Variants in SLC39A11 observed in about 807,000 individuals in gnomAD.
The protein encoded by SLC39A11 is solute carrier family 39 member 11.
In SLC39A11, 33 loss-of-function variants were observed where a neutral mutation model predicts 36.1. The ratio of observed to expected loss-of-function variants is 0.91; its 90% CI spans 0.69 to 1.22. The LOEUF is 1.22. Among genes scored for constraint, SLC39A11 ranks in the 50% most tolerant of loss-of-function variants. The pLI is 0.00. For synonymous variants in SLC39A11, 166 were observed against 170.3 expected, an observed-to-expected ratio of 0.97 and a Z score of 0.20; for missense variants, 432 against 430.3, an observed-to-expected ratio of 1.00 and a Z score of -0.03.
intron 7 of SLC39A11, among the ~76,000 whole-genome samples, chr17:72,675,014 G>A (rs1337882538): frequency 6.6e-6 from 1 of 151,944 alleles, no homozygotes; most frequent in Admixed American, 6.6e-5. Flanking sequence ...GAGACACAGA[G>A]ACAGAAAGAG....
chr17:72,675,307 G>A (rs1162934029), intron 7 of SLC39A11, among the ~76,000 whole-genome samples: 1 of 152,160 alleles, frequency 6.6e-6, no homozygotes, highest in East Asian at 1.9e-4. Context: ...CACTATGTGA[G>A]GCTACACAGC....
At chr17:72,858,919 T>G (rs2079806183) in intron 5 of SLC39A11, among the ~76,000 whole-genome samples, 1 of 152,248 alleles carries the variant, frequency 6.6e-6, no homozygotes, top group Admixed American at 6.5e-5. Flanking sequence ...GTTTTCTAGA[T>G]ATAGAATCAT....
At chr17:72,899,683 C>T (rs1365640797) in intron 5 of SLC39A11, among the ~76,000 whole-genome samples, 1 of 152,158 alleles carries the variant, frequency 6.6e-6, no homozygotes, top group African/African-American at 2.4e-5. Context: ...CAGCAGGGGC[C>T]GGGCACGGTG....
chr17:73,026,927 G>A (rs760953375), intron 4 of SLC39A11, among the ~76,000 whole-genome samples: 5 of 151,890 alleles, frequency 3.3e-5, no homozygotes, highest in East Asian at 1.9e-4. Context: ...AGACTAGCCC[G>A]GGCAACATAG....
chr17:72,727,231 A>G (rs1160293429), intron 7 of SLC39A11, among the ~76,000 whole-genome samples: 1 of 152,232 alleles, frequency 6.6e-6, no homozygotes, highest in African/African-American at 2.4e-5. Flanking sequence ...TCCAGAGAAC[A>G]TGTTCTTTGA....
Position 72,736,711 on chromosome 17 carries a change from C to A in SLC39A11, c.610G>T (p.Ala204Ser). The A allele has an allele frequency of 6.2e-7, 1 of 1,613,792 alleles. No individual in the cohort carries two copies. The highest frequency in any genetic ancestry group is 8.5e-7 in the Non-Finnish European group (1 of 1,179,758). The change falls in exon 7 of 10, where the codon GCT (alanine) becomes TCT (serine). Residue 204 changes from alanine to serine, a missense_variant. By Grantham distance (99) the Ala-to-Ser change is moderately conservative. Coordinates refer to ENST00000255559, the MANE Select transcript of SLC39A11 (RefSeq NM_139177.4). ...ITIHNVPEGL[A>S]VGVGFGAIEK... ...ATAGCCCCAAATCCAACTCCAACAG[C>A]GAGACCCTCTGAAATAGATGTAAGA...
At chr17:72,775,363 A>G (rs1167912636) in intron 6 of SLC39A11, among the ~76,000 whole-genome samples, 1 of 152,184 alleles carries the variant, frequency 6.6e-6, no homozygotes, top group Non-Finnish European at 1.5e-5. Context: ...GATTCAGAGA[A>G]ACACAATAGG....
chr17:72,811,294 A>T (rs928473675), intron 6 of SLC39A11, among the ~76,000 whole-genome samples: 152 of 152,276 alleles, frequency 1.0e-3, no homozygotes, highest in African/African-American at 3.6e-3. Flanking sequence ...CTCTCTTTTA[A>T]GGGCACTAAT....
At chr17:72,745,227 G>C (rs535514467) in intron 6 of SLC39A11, among the ~76,000 whole-genome samples, 1 of 152,360 alleles carries the variant, frequency 6.6e-6, no homozygotes, top group East Asian at 1.9e-4. Flanking sequence ...AAGGGCACCT[G>C]TACACGGTAG....
At chr17:72,883,653 TTTGTAA>T (rs1307018334) in intron 5 of SLC39A11, among the ~76,000 whole-genome samples, 2 of 152,134 alleles carry the variant, frequency 1.3e-5, no homozygotes, top group Non-Finnish European at 2.9e-5. Flanking sequence ...ATCCCATTCA[TTTGTAA>T]GGGAGAAACA....
chr17:72,754,037 TATATATATACAC>T (rs1320789131), intron 6 of SLC39A11, among the ~76,000 whole-genome samples: 39 of 119,628 alleles, frequency 3.3e-4, no homozygotes, highest in African/African-American at 5.9e-4. Flanking sequence ...TATATATATA[TATATATATACAC>T]ATACACACAC....
chr17:72,648,062 G>T (rs1331930832), intron 9 of SLC39A11, among the ~76,000 whole-genome samples: 1 of 152,160 alleles, frequency 6.6e-6, no homozygotes, highest in East Asian at 1.9e-4. Context: ...GGGAGCAGTG[G>T]CTCAAGCCTG....
At chr17:72,976,774 C>T (rs1193305219) in intron 4 of SLC39A11, among the ~76,000 whole-genome samples, 4 of 151,524 alleles carry the variant, frequency 2.6e-5, no homozygotes, top group South Asian at 2.1e-4. Flanking sequence ...CACTTGAACC[C>T]GGGAGGCAGA....
intron 6 of SLC39A11, among the ~76,000 whole-genome samples, chr17:72,828,550 G>A (rs1261295709): frequency 6.6e-6 from 1 of 152,182 alleles, no homozygotes; most frequent in African/African-American, 2.4e-5. Flanking sequence ...TTTGAACTTA[G>A]ATCAATAGAC....
intron 6 of SLC39A11, among the ~76,000 whole-genome samples, chr17:72,828,965 A>T (rs1398054262): frequency 6.6e-6 from 1 of 152,224 alleles, no homozygotes; most frequent in East Asian, 1.9e-4. Context: ...ACGTAAGATG[A>T]AGACTGGCGT....
In SLC39A11 at chr17:72,787,818, C is replaced by T. The variant is rs369931759; in HGVS notation, c.602-51099G>A. On this transcript the variant is annotated intron_variant, in intron 6 of 9. Coordinates refer to ENST00000255559, the MANE Select transcript of SLC39A11 (RefSeq NM_139177.4). ...GCCTCATTCTGATACATTCTGTTTC[C>T]TCCTGGGATGCACATTCACCCCAGC... Among the ~76,000 whole-genome samples, 7 of 152,268 alleles carry T rather than the reference C, an allele frequency of 4.6e-5. No homozygotes were observed. In the East Asian group the frequency reaches 1.2e-3, roughly 25 times the overall value.
chr17:72,882,785 G>C (rs2081257858), intron 5 of SLC39A11, among the ~76,000 whole-genome samples: 1 of 93,792 alleles, frequency 1.1e-5, no homozygotes, highest in Admixed American at 1.0e-4. Flanking sequence ...GCTTGAGGGA[G>C]AGAGAATGCT....
chr17:72,976,063 G>A (rs146510817), intron 4 of SLC39A11, among the ~76,000 whole-genome samples: 6,552 of 150,804 alleles, frequency 0.043, 496 homozygotes, highest in African/African-American at 0.15. Flanking sequence ...CCAGCTACTC[G>A]GGAGGCTGAG....
At chr17:73,057,992 T>C (rs915256986) in intron 3 of SLC39A11, among the ~76,000 whole-genome samples, 4 of 148,382 alleles carry the variant, frequency 2.7e-5, no homozygotes, top group African/African-American at 9.9e-5. Flanking sequence ...GTTATTTTAG[T>C]TATTTCGTTT....
Sources: allele counts gnomAD v4.1 joint callset (sites outside exome capture counted in the v4.1 genomes callset), GRCh38; gene constraint gnomAD v4.1.1; transcripts MANE v1.5; gene names NCBI Gene and HGNC (gene_info 2026-07-23, HGNC 2026-07-21).